Variants in RAPGEF5 observed in about 807,000 individuals in gnomAD.
RAPGEF5 encodes the protein M-Ras-regulated GEF.
A neutral mutation model predicts 125.2 loss-of-function variants in RAPGEF5; 65 were observed. The observed-to-expected ratio is 0.52, with a 90% CI of 0.43 to 0.64. RAPGEF5 has a LOEUF of 0.64. Ranked by LOEUF, RAPGEF5 falls within the 30% of genes least tolerant of loss-of-function variation. The probability of loss-of-function intolerance (pLI) is 0.00; values close to 1 mark genes in which losing one functional copy is unlikely to be tolerated. For missense variants in RAPGEF5, 958 were observed against 1,048.1 expected (o/e 0.91, Z 1.19); for synonymous variants, 391 against 385.9 (o/e 1.01, Z -0.16).
intron 9 of RAPGEF5, among the ~76,000 whole-genome samples, chr7:22,216,965 C>T (rs942290459): frequency 2.6e-5 from 4 of 152,202 alleles, no homozygotes; most frequent in African/African-American, 9.6e-5. Flanking sequence ...ACAAGATGTA[C>T]CAGCAACAAA....
At chr7:22,135,427 T>A (rs1387463105) in intron 23 of RAPGEF5, among the ~76,000 whole-genome samples, 1 of 152,188 alleles carries the variant, frequency 6.6e-6, no homozygotes, top group African/African-American at 2.4e-5. Flanking sequence ...ATCACTGAAA[T>A]CTCATCAATA....
At position 22,121,832 on chromosome 7, in the gene RAPGEF5, G is replaced by C. The variant is rs1782590421; in HGVS notation, c.*574C>G. On this transcript the variant is annotated 3_prime_UTR_variant, in exon 26 of 26. Transcript: ENST00000665637. ...TGACATTGTTCATCTGCCCATCAGA[G>C]CATGGATGCTAGCTGCAGTCCTCAC... The C allele has an allele frequency of 6.5e-6, 1 of 153,648 alleles. No individual in the cohort carries two copies. The highest frequency in any genetic ancestry group is 6.4e-5 in the Admixed American group (1 of 15,538). The allele number at this position is 153,648 out of a possible 1,614,324, so 9.5% of individuals were successfully genotyped here.
intron 1 of RAPGEF5, among the ~76,000 whole-genome samples, chr7:22,327,306 G>A (rs1275381410): frequency 6.6e-6 from 1 of 152,114 alleles, no homozygotes; most frequent in Non-Finnish European, 1.5e-5. Flanking sequence ...GAATTTATGT[G>A]TTTCTAAAGC....
intron 11 of RAPGEF5, among the ~76,000 whole-genome samples, chr7:22,176,757 C>T (rs143325816): frequency 8.2e-4 from 125 of 152,282 alleles, no homozygotes; most frequent in African/African-American, 2.8e-3. Flanking sequence ...TCCCAAACTC[C>T]TGACCTCAAA....
intron 8 of RAPGEF5, among the ~76,000 whole-genome samples, chr7:22,228,654 C>T (rs1785979297): frequency 6.7e-6 from 1 of 150,160 alleles, no homozygotes; most frequent in South Asian, 2.1e-4. Context: ...ATTACAGGCA[C>T]CTGCTACCAC....
chr7:22,136,003 G>GAA, intron 23 of RAPGEF5, 35 bp downstream of exon 23: 1 of 1,502,604 alleles, frequency 6.7e-7, no homozygotes, highest in Non-Finnish European at 9.1e-7. Context: ...TCTGAAATAT[G>GAA]AAATTACATG....
At chr7:22,291,475 GACGATGGGGTATT>G (rs1782934066) in intron 5 of RAPGEF5, among the ~76,000 whole-genome samples, 1 of 152,150 alleles carries the variant, frequency 6.6e-6, no homozygotes, top group African/African-American at 2.4e-5. Flanking sequence ...ATTGAATCCT[GACGATGGGGTATT>G]ACTCACCCCA....
chr7:22,246,516 C>T (rs1786480946), intron 7 of RAPGEF5, among the ~76,000 whole-genome samples: 1 of 152,016 alleles, frequency 6.6e-6, no homozygotes. Flanking sequence ...GGGATAACTG[C>T]CTAGCCAATA....
At chr7:22,141,285 A>G (rs751944976) in intron 20 of RAPGEF5, among the ~76,000 whole-genome samples, 2 of 152,218 alleles carry the variant, frequency 1.3e-5, no homozygotes, top group Non-Finnish European at 2.9e-5. Context: ...TTCCCATTAC[A>G]TTGGACTTCC....
At chr7:22,139,955 C>T in intron 21 of RAPGEF5, 70 bp downstream of exon 21, 1 of 1,326,856 alleles carries the variant, frequency 7.5e-7, no homozygotes. Flanking sequence ...TAGTACTTAT[C>T]TCATTTAATC....
At chr7:22,271,462 A>G (rs1782424845) in intron 6 of RAPGEF5, among the ~76,000 whole-genome samples, 1 of 152,238 alleles carries the variant, frequency 6.6e-6, no homozygotes, top group Non-Finnish European at 1.5e-5. Flanking sequence ...TTATGCTATA[A>G]TCCAATCAAA....
chr7:22,207,133 C>T (rs1230596647), intron 9 of RAPGEF5, among the ~76,000 whole-genome samples: 1 of 152,166 alleles, frequency 6.6e-6, no homozygotes, highest in Non-Finnish European at 1.5e-5. Context: ...TTCTCCTACT[C>T]AAAATTGTAA....
intron 7 of RAPGEF5, 49 bp from the exon 8 acceptor site, chr7:22,230,968 G>C: frequency 6.6e-7 from 1 of 1,506,158 alleles, no homozygotes; most frequent in Non-Finnish European, 9.0e-7. Context: ...TACAAAAAAT[G>C]CTTCAGATAA....
intron 11 of RAPGEF5, among the ~76,000 whole-genome samples, chr7:22,189,298 GA>G (rs1784918731): frequency 6.6e-6 from 1 of 152,146 alleles, no homozygotes; most frequent in Admixed American, 6.5e-5. Context: ...AAATCAGTAA[GA>G]AGGGGTTTCT....
At chr7:22,263,909 T>C (rs1037513723) in intron 7 of RAPGEF5, among the ~76,000 whole-genome samples, 1 of 152,164 alleles carries the variant, frequency 6.6e-6, no homozygotes, top group African/African-American at 2.4e-5. Flanking sequence ...CATTCATTCC[T>C]GTATTATAAA....
intron 7 of RAPGEF5, among the ~76,000 whole-genome samples, chr7:22,246,507 G>A (rs930493863): frequency 3.3e-5 from 5 of 152,014 alleles, no homozygotes; most frequent in African/African-American, 1.2e-4. Flanking sequence ...AATGGTGCTG[G>A]GATAACTGCC....
At chr7:22,129,708 G>A (rs1782855232) in intron 24 of RAPGEF5, among the ~76,000 whole-genome samples, 1 of 152,136 alleles carries the variant, frequency 6.6e-6, no homozygotes, top group Admixed American at 6.5e-5. Flanking sequence ...AACACTTACT[G>A]CAGAGACAAA....
chr7:22,310,886 G>C (rs1583569600), intron 3 of RAPGEF5, among the ~76,000 whole-genome samples: 1 of 152,012 alleles, frequency 6.6e-6, no homozygotes, highest in African/African-American at 2.4e-5. Context: ...TCATAACCTG[G>C]TTATTACAGG....
intron 6 of RAPGEF5, among the ~76,000 whole-genome samples, chr7:22,272,060 T>C (rs1782439725): frequency 6.6e-6 from 1 of 151,750 alleles, no homozygotes; most frequent in African/African-American, 2.4e-5. Flanking sequence ...CAAGGAAAGT[T>C]GGGCCGGGCG....
Sources: allele counts gnomAD v4.1 joint callset (sites outside exome capture counted in the v4.1 genomes callset), GRCh38; gene constraint gnomAD v4.1.1; transcripts MANE v1.5; gene names NCBI Gene and HGNC (gene_info 2026-07-23, HGNC 2026-07-21).